PARVA: variants seen among roughly 807,000 people sequenced by gnomAD.
The protein encoded by PARVA is alpha-parvin.
In PARVA, 25 loss-of-function variants were observed where a neutral mutation model predicts 52.6. The ratio of observed to expected loss-of-function variants is 0.48; its 90% confidence interval spans 0.35 to 0.66. The LOEUF is 0.66. Among genes scored for constraint, PARVA ranks in the 30% least tolerant of loss-of-function variants. The probability of loss-of-function intolerance (pLI) is 0.01; values close to 1 mark genes in which losing one functional copy is unlikely to be tolerated. For synonymous variants in PARVA, 185 were observed against 179.1 expected (o/e 1.03, Z -0.26); for missense variants, 373 against 450.9 (o/e 0.83, Z 1.56).
At chr11:12,455,472 A>G (rs927006706) in intron 1 of PARVA, among the ~76,000 whole-genome samples, 16 of 152,108 alleles carry the variant, frequency 1.1e-4, no homozygotes, top group African/African-American at 3.6e-4. Flanking sequence ...TCATGGATTT[A>G]AATATTTTTG....
chr11:12,378,195 C>T (rs186016482), intron 1 of PARVA, among the ~76,000 whole-genome samples: 1,686 of 152,220 alleles, frequency 0.011, 31 homozygotes, highest in African/African-American at 0.038. Context: ...TCCCAAGTTT[C>T]CGCTGCAGCT....
At chr11:12,478,035 G>GTT (rs1442298111) in intron 4 of PARVA, 86 bp downstream of exon 4, 2 of 806,790 alleles carry the variant, frequency 2.5e-6, no homozygotes, top group Non-Finnish European at 4.5e-6. Flanking sequence ...GTTATTCTCA[G>GTT]TTTACAGTGG....
intron 6 of PARVA, among the ~76,000 whole-genome samples, chr11:12,508,198 AT>A (rs551282676): frequency 2.6e-5 from 4 of 151,182 alleles, no homozygotes; most frequent in Admixed American, 6.6e-5. Context: ...CCCCAGTTAA[AT>A]GTGTTTCTCA....
At chr11:12,388,713 G>A (rs2134951139) in intron 1 of PARVA, among the ~76,000 whole-genome samples, 1 of 151,338 alleles carries the variant, frequency 6.6e-6, no homozygotes, top group South Asian at 2.1e-4. Context: ...TTTTAGTATT[G>A]TGAGTATACT....
chr11:12,496,177 G>A (rs1476474922), intron 4 of PARVA, among the ~76,000 whole-genome samples: 9 of 152,172 alleles, frequency 5.9e-5, no homozygotes, highest in African/African-American at 2.2e-4. Flanking sequence ...GAAAACTCCA[G>A]AATGATAGAG....
intron 4 of PARVA, among the ~76,000 whole-genome samples, chr11:12,486,649 C>T (rs1449443450): frequency 6.6e-5 from 10 of 152,132 alleles, no homozygotes; most frequent in Non-Finnish European, 1.2e-4. Context: ...AATTCAAGAC[C>T]AGCCTGACCA....
chr11:12,488,056 A>T (rs1011896112), intron 4 of PARVA, among the ~76,000 whole-genome samples: 10 of 152,212 alleles, frequency 6.6e-5, no homozygotes, highest in African/African-American at 2.4e-4. Context: ...ATAACATTTG[A>T]TACATATTTG....
At chr11:12,423,438 T>G (rs1940182376) in intron 1 of PARVA, among the ~76,000 whole-genome samples, 1 of 151,442 alleles carries the variant, frequency 6.6e-6, no homozygotes, top group South Asian at 2.1e-4. Context: ...CAGTCTGCCT[T>G]CCTTGGCCTT....
intron 12 of PARVA, among the ~76,000 whole-genome samples, chr11:12,522,455 G>T (rs1253017652): frequency 2.5e-5 from 3 of 122,286 alleles, no homozygotes; most frequent in Admixed American, 9.9e-5. Context: ...ACGGAGTTTC[G>T]CTCTCCAGGC....
At chr11:12,446,265 A>G (rs1940546693) in intron 1 of PARVA, among the ~76,000 whole-genome samples, 1 of 152,216 alleles carries the variant, frequency 6.6e-6, no homozygotes, top group Non-Finnish European at 1.5e-5. Flanking sequence ...CTGTACACAA[A>G]TCCTAGGGAG....
intron 1 of PARVA, among the ~76,000 whole-genome samples, chr11:12,455,837 C>T (rs1940687113): frequency 1.3e-5 from 2 of 152,182 alleles, no homozygotes; most frequent in African/African-American, 4.8e-5. Flanking sequence ...AGCCCCCAGG[C>T]CATCACCATA....
At position 12,527,888 on chromosome 11, in the gene PARVA, T is replaced by C; in HGVS notation, c.1082T>C (p.Leu361Ser). The change falls in exon 13 of 13, where the codon TTG becomes TCG. Residue 361 changes from leucine (L) to serine (S), a missense_variant. Physicochemically the swap from Leu to Ser is moderately radical, Grantham distance 145. Coordinates refer to ENST00000334956, the MANE Select transcript of PARVA (RefSeq NM_018222.5). The stretch of plus-strand genomic sequence containing the variant: ...GACCTGAAATCTACACTACGAGTGT[T>C]GTACAACCTCTTCACCAAGTACCGT... ...NCDLKSTLRV[L>S]YNLFTKYRNV... 6.2e-7 allele frequency: 1 copy of C among 1,613,468 alleles called. No individual in the cohort carries two copies. Among genetic ancestry groups the C allele is most frequent in the Non-Finnish European group, 8.5e-7 (1 of 1,179,758 alleles).
intron 5 of PARVA, among the ~76,000 whole-genome samples, chr11:12,501,199 G>A (rs990247971): frequency 4.6e-5 from 7 of 151,094 alleles, no homozygotes; most frequent in Non-Finnish European, 5.9e-5. Context: ...GCACATGTTT[G>A]TGTGTGTATA....
At chr11:12,480,327 T>C (rs1941070768) in intron 4 of PARVA, 1 of 151,776 alleles carries the variant, frequency 6.6e-6, no homozygotes, top group South Asian at 2.1e-4. Flanking sequence ...TGAGTGTTAA[T>C]ATTTAAAGGC....
At chr11:12,429,710 CTATT>C (rs1940288776) in intron 1 of PARVA, among the ~76,000 whole-genome samples, 1 of 152,120 alleles carries the variant, frequency 6.6e-6, no homozygotes, top group Non-Finnish European at 1.5e-5. Flanking sequence ...ATCTTTGTAT[CTATT>C]AACCCATTTA....
chr11:12,461,697 C>T (rs972018549), intron 1 of PARVA, among the ~76,000 whole-genome samples: 3 of 152,220 alleles, frequency 2.0e-5, no homozygotes, highest in Non-Finnish European at 4.4e-5. Context: ...GTTGGCTAAA[C>T]AGTGAATAAG....
chr11:12,401,120 G>A (rs944880591), intron 1 of PARVA, among the ~76,000 whole-genome samples: 2 of 152,164 alleles, frequency 1.3e-5, no homozygotes, highest in Admixed American at 1.3e-4. Flanking sequence ...ATTCCATCAC[G>A]GTCGATTCCC....
In PARVA at chr11:12,519,223, C is replaced by A. The variant is rs147742627; in HGVS notation, c.1042+706C>A. Among the ~76,000 whole-genome samples the A allele has an allele frequency of 2.3e-4, 35 of 152,298 alleles. 1 individual carries two copies. The East Asian group carries it at 6.0e-3, about 26-fold the overall frequency. On this transcript the variant is annotated intron_variant, in intron 12 of 12. Transcript: ENST00000334956. ...ATGTCCCCTGGGAACACTGAGAATGCCATCTGTGGCCCTTTTGCTCGCACT... is the reference window on the plus strand; with the variant it reads ...ATGTCCCCTGGGAACACTGAGAATGACATCTGTGGCCCTTTTGCTCGCACT...
intron 1 of PARVA, among the ~76,000 whole-genome samples, chr11:12,406,949 C>T (rs145873897): frequency 0.013 from 2,016 of 152,150 alleles, 39 homozygotes; most frequent in African/African-American, 0.046. Context: ...GGATTACAGG[C>T]GTGAGCCACC....
Sources: allele counts gnomAD v4.1 joint callset (sites outside exome capture counted in the v4.1 genomes callset), GRCh38; gene constraint gnomAD v4.1.1; transcripts MANE v1.5; gene names NCBI Gene and HGNC (gene_info 2026-07-23, HGNC 2026-07-21).